Variants in BPIFB3 observed in about 807,000 individuals in gnomAD.
BPIFB3 encodes the protein BPI fold containing family B member 3.
A neutral mutation model predicts 53.1 loss-of-function variants in BPIFB3; 49 were observed. The ratio of observed to expected loss-of-function variants is 0.92; its 90% CI spans 0.73 to 1.17. BPIFB3 has a LOEUF of 1.17. Among genes scored for constraint, BPIFB3 ranks in the 50% most tolerant of loss-of-function variants. The probability of loss-of-function intolerance (pLI) is 0.00; values close to 1 mark genes in which losing one functional copy is unlikely to be tolerated. For missense variants in BPIFB3, 628 were observed against 592.5 expected (o/e 1.06, Z -0.62); for synonymous variants, 271 against 269.6 (o/e 1.01, Z -0.05).
At position 33,062,425 on chromosome 20, in the gene BPIFB3, C is replaced by T. The variant is rs573547509; in HGVS notation, c.591+594C>T. Reference sequence around the variant, plus strand: ...AGCTGGCTCTCCCTGTGCATTCTTGCGAACGCTGCTGGGGGCAGCAGAAGA... The same window carrying T: ...AGCTGGCTCTCCCTGTGCATTCTTGTGAACGCTGCTGGGGGCAGCAGAAGA... On this transcript the variant is annotated intron_variant, in intron 5 of 14. Coordinates refer to ENST00000375494, the Ensembl canonical transcript of BPIFB3. Among the ~76,000 whole-genome samples the T allele has an allele frequency of 1.4e-3, 214 of 152,252 alleles. 5 individuals are homozygous for T. The South Asian group carries it at 0.039, about 28-fold the overall frequency.
downstream of BPIFB3, chr20:33,073,765 A>G: frequency 1.3e-6 from 1 of 778,848 alleles, no homozygotes; most frequent in East Asian, 2.7e-5. Context: ...CTGCCTGGCT[A>G]ATCATAGAAC....
exon 8 of BPIFB3, chr20:33,064,779 C>T: frequency 6.2e-7 from 1 of 1,614,140 alleles, no homozygotes; most frequent in Non-Finnish European, 8.5e-7. Context: ...CACTGTACCT[C>T]TTCAACACCA....
chr20:33,072,590 A>G (rs1390945008), intron 13 of BPIFB3, 127 bp from the exon 15 acceptor site: 14 of 782,718 alleles, frequency 1.8e-5, no homozygotes, highest in Non-Finnish European at 2.8e-5. Context: ...TAAGAAGCTG[A>G]TTCTGTGAGA....
chr20:33,056,678 C>G, exon 2 of BPIFB3: 3 of 1,604,224 alleles, frequency 1.9e-6, no homozygotes, highest in Non-Finnish European at 2.6e-6. Flanking sequence ...GGGTTTTTGG[C>G]GTTGTCGAGG....
chr20:33,054,118 G>T (rs768815202), upstream of BPIFB3, among the ~76,000 whole-genome samples: 25 of 152,136 alleles, frequency 1.6e-4, no homozygotes, highest in Non-Finnish European at 2.8e-4. Context: ...GAAAAACCAT[G>T]TTACAGATCT....
At chr20:33,054,165 C>G (rs1020838114), upstream of BPIFB3, among the ~76,000 whole-genome samples, 1 of 152,028 alleles carries the variant, frequency 6.6e-6, no homozygotes, top group African/African-American at 2.4e-5. Context: ...TATATATTCA[C>G]AGCCGGAGGG....
intron 2 of BPIFB3, among the ~76,000 whole-genome samples, chr20:33,057,560 A>T (rs1363590259): frequency 6.6e-6 from 1 of 152,162 alleles, no homozygotes; most frequent in Non-Finnish European, 1.5e-5. Flanking sequence ...AGGATTCCAG[A>T]ACACTGTTAC....
chr20:33,064,502 C>T (rs760987809), exon 7 of BPIFB3: 5 of 1,614,132 alleles, frequency 3.1e-6, no homozygotes, highest in Non-Finnish European at 4.2e-6. Context: ...TTCTCTCTGG[C>T]CACATTGCCT....
chr20:33,063,566 C>T (rs1189055530), intron 5 of BPIFB3, 49 bp from the exon 7 acceptor site: 2 of 1,593,896 alleles, frequency 1.3e-6, no homozygotes, highest in Non-Finnish European at 8.6e-7. Flanking sequence ...TGCAGCTGTC[C>T]TCGCAGTGAG....
At position 33,056,685 on chromosome 20, in the gene BPIFB3, G is replaced by A. The variant is rs1438069274; in HGVS notation, c.268G>A (p.Glu90Lys). ...CCACGGAGGGGTTTTTGGCGTTGTC[G>A]AGGAGCTCTCTGGGTGAGTCCCACC... Residue 90 changes from glutamate to lysine, a missense_variant, in exon 2 of 15, where the codon GAG becomes AAG. Glu to Lys is a moderately conservative substitution (Grantham distance 56). Coordinates refer to ENST00000375494, the Ensembl canonical transcript of BPIFB3. 5.6e-6 allele frequency: 9 copies of A among 1,601,414 alleles called. No individual in the cohort carries two copies. The highest frequency in any genetic ancestry group is 1.7e-4 in the Middle Eastern group (1 of 5,968).
intron 10 of BPIFB3, among the ~76,000 whole-genome samples, chr20:33,069,269 T>C (rs960400625): frequency 6.6e-6 from 1 of 152,108 alleles, no homozygotes; most frequent in Non-Finnish European, 1.5e-5. Context: ...TCTGCCCAGC[T>C]ATCTCCCTGA....
rs148249521 is a variant in BPIFB3 at position 33,071,945 on chromosome 20, C to A, written c.1261-159C>A. On this transcript the variant is annotated intron_variant, in intron 12 of 14. Transcript: ENST00000375494. ...GGTCACTGGTGGACAGCCCAGGCCA[C>A]CCCCAAGTGCCCAGTGCCTGCCAGG... Among the ~76,000 whole-genome samples, 17 of 152,282 alleles carry A rather than the reference C, an allele frequency of 1.1e-4. No homozygotes were observed. In the East Asian group the frequency reaches 3.3e-3, roughly 29 times the overall value.
intron 9 of BPIFB3, 44 bp downstream of exon 10, chr20:33,066,921 T>C (rs1387932614): frequency 6.3e-7 from 1 of 1,588,986 alleles, no homozygotes; most frequent in East Asian, 2.2e-5. Context: ...AGCTCTTTCC[T>C]GATGACCATG....
Position 33,061,669 on chromosome 20 carries a change from A to G in BPIFB3, c.528-99A>G, listed in dbSNP as rs377371767. ...GTCAACACCACCCCCAAGAGAAGGG[A>G]GAGGAGAAATCCAGAGCCCCTAGTG... On this transcript the variant is annotated intron_variant, in intron 4 of 14. Coordinates refer to ENST00000375494, the Ensembl canonical transcript of BPIFB3. 12 of 1,168,070 alleles carry G rather than the reference A, an allele frequency of 1.0e-5. No homozygotes were observed. In the African/African-American group the frequency reaches 1.8e-4, roughly 18 times the overall value. 72.4% of individuals were successfully genotyped at this position (1,168,070 alleles called of 1,614,324 possible).
exon 7 of BPIFB3, chr20:33,064,479 T>A: frequency 6.2e-7 from 1 of 1,614,072 alleles, no homozygotes; most frequent in Non-Finnish European, 8.5e-7. Flanking sequence ...TTGGGGCTCT[T>A]GGGTCCGTGG....
intron 11 of BPIFB3, 58 bp from the exon 13 acceptor site, chr20:33,071,195 G>A: frequency 1.3e-6 from 2 of 1,505,608 alleles, no homozygotes; most frequent in South Asian, 1.2e-5. Context: ...CAGGCTGGGG[G>A]TGGGACAGGG....
intron 1 of BPIFB3, 83 bp downstream of exon 2, chr20:33,055,630 AGC>A: frequency 6.4e-7 from 1 of 1,569,054 alleles, no homozygotes. Flanking sequence ...CTGCTTTAAG[AGC>A]AGATAAGAGC....
exon 11 of BPIFB3, chr20:33,069,913 C>T (rs777862625): frequency 5.2e-5 from 84 of 1,614,070 alleles, no homozygotes; most frequent in Non-Finnish European, 6.7e-5. Context: ...GCCCAGCTGG[C>T]TCCCTCGGCT....
At chr20:33,054,082 G>A (rs1240532786), upstream of BPIFB3, among the ~76,000 whole-genome samples, 1 of 152,148 alleles carries the variant, frequency 6.6e-6, no homozygotes, top group African/African-American at 2.4e-5. Context: ...GGAGGAGACT[G>A]GGGGTACCAA....
Sources: allele counts gnomAD v4.1 joint callset (sites outside exome capture counted in the v4.1 genomes callset), GRCh38; gene constraint gnomAD v4.1.1; transcripts MANE v1.5; gene names NCBI Gene and HGNC (gene_info 2026-07-23, HGNC 2026-07-21).